Variants in ASIC2 observed in about 807,000 individuals in gnomAD.
ASIC2 encodes the protein acid sensing ion channel subunit 2, also known as acid-sensing ion channel 2.
A neutral mutation model predicts 57.3 loss-of-function variants in ASIC2; 25 were observed. The observed-to-expected ratio is 0.44, with a 90% CI of 0.32 to 0.61. The LOEUF is 0.61. Among genes scored for constraint, ASIC2 ranks in the 20% least tolerant of loss-of-function variants. ASIC2 has a pLI of 0.06. For synonymous variants in ASIC2, 319 were observed against 307.5 expected (o/e 1.04, Z -0.39); for missense variants, 641 against 738.1 (o/e 0.87, Z 1.52).
At chr17:33,340,769 A>G (rs320639) in intron 1 of ASIC2, among the ~76,000 whole-genome samples, 126,308 of 151,962 alleles carry the variant, frequency 0.83, 52,556 homozygotes, top group East Asian at 1. Flanking sequence ...GGGGCAGCAG[A>G]GTGTGTGAGC....
intron 1 of ASIC2, chr17:34,003,182 A>G (rs1747470283): frequency 6.6e-6 from 1 of 152,174 alleles, no homozygotes; most frequent in Admixed American, 6.5e-5. Context: ...AATAAAAGAG[A>G]GGGCCCTGTG....
intron 1 of ASIC2, among the ~76,000 whole-genome samples, chr17:33,831,988 C>G (rs1357837600): frequency 6.6e-6 from 1 of 152,142 alleles, no homozygotes; most frequent in Non-Finnish European, 1.5e-5. Context: ...CTTCTCTTGT[C>G]TCCAAAGTAT....
intron 1 of ASIC2, among the ~76,000 whole-genome samples, chr17:34,085,813 A>C (rs1910092258): frequency 6.6e-6 from 1 of 151,906 alleles, no homozygotes; most frequent in Admixed American, 6.6e-5. Flanking sequence ...TAGATTTTCT[A>C]GTTTATTTGT....
At chr17:34,089,027 C>T (rs968374311) in intron 1 of ASIC2, among the ~76,000 whole-genome samples, 21 of 152,212 alleles carry the variant, frequency 1.4e-4, no homozygotes, top group Non-Finnish European at 2.9e-5. Flanking sequence ...GGCTCGCACA[C>T]AGTGCGCTGC....
At chr17:33,804,878 T>A (rs971423837) in intron 1 of ASIC2, among the ~76,000 whole-genome samples, 7 of 151,204 alleles carry the variant, frequency 4.6e-5, no homozygotes, top group Admixed American at 2.6e-4. Context: ...GCATTTGTTT[T>A]TGATCTCTCT....
intron 3 of ASIC2, among the ~76,000 whole-genome samples, chr17:33,053,482 G>A (rs770513082): frequency 6.6e-6 from 1 of 152,114 alleles, no homozygotes; most frequent in Non-Finnish European, 1.5e-5. Context: ...GGTGTGAAAA[G>A]GACCTACAGA....
chr17:33,725,741 T>G (rs1909534741), intron 1 of ASIC2, among the ~76,000 whole-genome samples: 1 of 135,224 alleles, frequency 7.4e-6, no homozygotes, highest in African/African-American at 2.6e-5. Context: ...CCTTTTTTTA[T>G]GCTTTTGCTG....
At chr17:34,105,602 G>A (rs529316401) in intron 1 of ASIC2, among the ~76,000 whole-genome samples, 3 of 149,038 alleles carry the variant, frequency 2.0e-5, no homozygotes, top group African/African-American at 7.4e-5. Context: ...TCTAAGCACT[G>A]AATTAGCTTC....
intron 3 of ASIC2, among the ~76,000 whole-genome samples, chr17:33,031,262 G>T (rs2091882157): frequency 6.6e-6 from 1 of 152,010 alleles, no homozygotes. Flanking sequence ...TTTTCCCCAA[G>T]GAATTTGTTC....
At chr17:33,625,563 A>T (rs997880654) in intron 1 of ASIC2, among the ~76,000 whole-genome samples, 1 of 152,238 alleles carries the variant, frequency 6.6e-6, no homozygotes, top group African/African-American at 2.4e-5. Flanking sequence ...ATCTTAGATT[A>T]ATTTGCAACA....
At chr17:33,851,068 A>T (rs60858302) in intron 1 of ASIC2, among the ~76,000 whole-genome samples, 1,530 of 152,222 alleles carry the variant, frequency 0.01, 28 homozygotes, top group African/African-American at 0.034. Context: ...AATTTTCCTC[A>T]TTTCTAAAAG....
At chr17:33,972,325 G>A (rs1445794277) in intron 1 of ASIC2, among the ~76,000 whole-genome samples, 2 of 152,096 alleles carry the variant, frequency 1.3e-5, no homozygotes, top group East Asian at 3.8e-4. Flanking sequence ...ATGCATGACA[G>A]GAAGGACGAT....
intron 1 of ASIC2, among the ~76,000 whole-genome samples, chr17:33,125,172 A>G (rs1289460996): frequency 3.3e-5 from 5 of 152,238 alleles, no homozygotes; most frequent in South Asian, 4.1e-4. Context: ...CCACAGGGCA[A>G]TATGAGGGTC....
intron 1 of ASIC2, among the ~76,000 whole-genome samples, chr17:33,625,097 G>T (rs1048604515): frequency 2.5e-4 from 38 of 151,844 alleles, no homozygotes; most frequent in African/African-American, 9.0e-4. Context: ...GCCATTCTGA[G>T]GTTTTGTTAT....
At chr17:33,469,986 G>A (rs558892087) in intron 1 of ASIC2, among the ~76,000 whole-genome samples, 32 of 152,114 alleles carry the variant, frequency 2.1e-4, no homozygotes, top group African/African-American at 7.5e-4. Context: ...CATCTAGTTA[G>A]GGGGACAAAT....
chr17:33,481,144 T>C (rs1913391766), intron 1 of ASIC2, among the ~76,000 whole-genome samples: 1 of 152,232 alleles, frequency 6.6e-6, no homozygotes, highest in Non-Finnish European at 1.5e-5. Flanking sequence ...CCTTTTCTGG[T>C]GCCTGAGTTG....
At chr17:33,453,015 C>T (rs1029724325) in intron 1 of ASIC2, among the ~76,000 whole-genome samples, 7 of 152,160 alleles carry the variant, frequency 4.6e-5, no homozygotes, top group Non-Finnish European at 4.4e-5. Flanking sequence ...AGATTCCTTT[C>T]GAATGAATGT....
At chr17:34,138,318 A>C (rs1912179909) in intron 1 of ASIC2, among the ~76,000 whole-genome samples, 1 of 152,176 alleles carries the variant, frequency 6.6e-6, no homozygotes, top group South Asian at 2.1e-4. Context: ...TGCTCAGTAA[A>C]TGTTTTACCT....
At chr17:33,800,900 T>C (rs1223382876) in intron 1 of ASIC2, among the ~76,000 whole-genome samples, 1 of 152,218 alleles carries the variant, frequency 6.6e-6, no homozygotes, top group Non-Finnish European at 1.5e-5. Context: ...ACTTTCTTAA[T>C]GTCACACAGC....
Sources: allele counts gnomAD v4.1 joint callset (sites outside exome capture counted in the v4.1 genomes callset), GRCh38; gene constraint gnomAD v4.1.1; transcripts MANE v1.5; gene names NCBI Gene and HGNC (gene_info 2026-07-23, HGNC 2026-07-21).